MYO1E: variants seen among roughly 807,000 people sequenced by gnomAD.
The protein encoded by MYO1E is myosin IE.
A neutral mutation model predicts 151.1 loss-of-function variants in MYO1E; 68 were observed. The ratio of observed to expected loss-of-function variants is 0.45; its 90% CI spans 0.37 to 0.55. MYO1E has a LOEUF of 0.55. Ranked by LOEUF, MYO1E falls within the 20% of genes least tolerant of loss-of-function variation. The probability of loss-of-function intolerance (pLI) is 0.00; values close to 1 mark genes in which losing one functional copy is unlikely to be tolerated. For missense variants in MYO1E, 1,363 were observed against 1,389.3 expected (o/e 0.98, Z 0.30); for synonymous variants, 601 against 501.7 (o/e 1.20, Z -2.64).
In MYO1E at chr15:59,138,180, AAC is replaced by A; in HGVS notation, c.3250+16_3250+17del. The A allele has an allele frequency of 6.2e-7, 1 of 1,613,750 alleles. No individual in the cohort carries two copies. The highest frequency in any genetic ancestry group is 1.7e-5 in the Admixed American group (1 of 59,998). ...TGCTCTTTGGGAGGCTGTCCCAGCCAACCAGCCACACACTTACCTTCTTTGAT... is the reference window on the plus strand; with the variant it reads ...TGCTCTTTGGGAGGCTGTCCCAGCCACAGCCACACACTTACCTTCTTTGAT... On this transcript the variant is annotated intron_variant, in intron 27 of 27. Coordinates refer to ENST00000288235, the MANE Select transcript of MYO1E (RefSeq NM_004998.4).
chr15:59,266,638 A>C (rs1315829661), intron 2 of MYO1E: 2 of 151,072 alleles, frequency 1.3e-5, no homozygotes, highest in African/African-American at 4.9e-5. Context: ...TACAACTTTC[A>C]AATTTTGTTT....
chr15:59,343,111 C>T (rs1476207362), intron 1 of MYO1E, among the ~76,000 whole-genome samples: 1 of 151,870 alleles, frequency 6.6e-6, no homozygotes, highest in Non-Finnish European at 1.5e-5. Flanking sequence ...AGTTTTGTAC[C>T]TTCAGATGAT....
Position 59,146,390 on chromosome 15 carries a change from G to A in MYO1E, c.3080+7200C>T, listed in dbSNP as rs138703257. Among the ~76,000 whole-genome samples the A allele has an allele frequency of 1.7e-4, 26 of 152,104 alleles. No individual in the cohort carries two copies. In the East Asian group the frequency reaches 5.0e-3, roughly 29 times the overall value. ...GAGTGCAGTGGAATGATCTTGGCTC[G>A]CTGCAGCCTCCGCCTCCCAGATTCA... On this transcript the variant is annotated intron_variant, in intron 26 of 27. Coordinates refer to ENST00000288235, the MANE Select transcript of MYO1E (RefSeq NM_004998.4).
At chr15:59,198,101 A>T (rs56108450) in intron 16 of MYO1E, among the ~76,000 whole-genome samples, 2 of 151,988 alleles carry the variant, frequency 1.3e-5, no homozygotes, top group Non-Finnish European at 2.9e-5. Context: ...CCTGGCCTCA[A>T]GCAATCTTCC....
chr15:59,248,900 CTG>C (rs1364153242), intron 4 of MYO1E, among the ~76,000 whole-genome samples: 1 of 152,194 alleles, frequency 6.6e-6, no homozygotes, highest in Non-Finnish European at 1.5e-5. Flanking sequence ...CCTTCGTGGA[CTG>C]TGTTCCAGGG....
intron 1 of MYO1E, among the ~76,000 whole-genome samples, chr15:59,282,068 G>A (rs1396205485): frequency 6.6e-6 from 1 of 152,182 alleles, no homozygotes; most frequent in East Asian, 1.9e-4. Context: ...CACACCTGGG[G>A]ACACACTGGC....
intron 2 of MYO1E, among the ~76,000 whole-genome samples, chr15:59,267,811 T>C (rs2080265504): frequency 6.6e-6 from 1 of 152,216 alleles, no homozygotes; most frequent in Non-Finnish European, 1.5e-5. Flanking sequence ...AATGTAATTG[T>C]AAAAAGTGTG....
intron 14 of MYO1E, chr15:59,208,197 G>A (rs1179407995): frequency 3.4e-5 from 34 of 993,956 alleles, no homozygotes; most frequent in Admixed American, 9.4e-5. Context: ...AGGAAAGTAG[G>A]TAGAGTGATT....
intron 9 of MYO1E, among the ~76,000 whole-genome samples, chr15:59,219,109 C>T (rs942888157): frequency 9.9e-5 from 15 of 152,122 alleles, no homozygotes; most frequent in African/African-American, 3.6e-4. Flanking sequence ...ATATCCTGCC[C>T]TAATGTCACA....
intron 15 of MYO1E, among the ~76,000 whole-genome samples, chr15:59,203,564 C>T (rs1042580191): frequency 7.9e-5 from 12 of 152,040 alleles, no homozygotes; most frequent in African/African-American, 2.7e-4. Context: ...TTAGTAGAGA[C>T]GGGGTTTCAA....
In MYO1E at chr15:59,159,759, A is replaced by G. The variant is rs529033343; in HGVS notation, c.2785+1314T>C. ...TCTGAGTGGCTCTACATATATAAAG[A>G]TATGATGGCATTTGCTGGTATTGTA... On this transcript the variant is annotated intron_variant, in intron 24 of 27. Coordinates refer to ENST00000288235, the MANE Select transcript of MYO1E (RefSeq NM_004998.4). The surrounding 1 kb of genome is among the most constrained non-coding windows in gnomAD (Gnocchi z 4.4). 1.3e-5 allele frequency among the ~76,000 whole-genome samples: 2 copies of G among 152,298 alleles called. No homozygotes were observed. The highest frequency in any genetic ancestry group is 2.9e-5 in the Non-Finnish European group (2 of 68,032).
chr15:59,163,764 C>T (rs1163771031), intron 22 of MYO1E, among the ~76,000 whole-genome samples: 1 of 152,150 alleles, frequency 6.6e-6, no homozygotes, highest in Non-Finnish European at 1.5e-5. Flanking sequence ...ATCATAAGCT[C>T]GGTTCTCAAG....
In MYO1E at chr15:59,171,988, C is replaced by G. The variant is rs1303265445; in HGVS notation, c.2389G>C (p.Glu797Gln). The change falls in exon 22 of 28, where the codon GAA becomes CAA. Residue 797 changes from glutamate (E) to glutamine (Q), a missense_variant. By Grantham distance (29) the Glu-to-Gln change is conservative. Coordinates refer to ENST00000288235, the MANE Select transcript of MYO1E (RefSeq NM_004998.4). ...TPKCLYLIGR[E>Q]KVKQGPDKGL... ...TTGTCTGGGCCCTGTTTGACTTTTTCTCGTCCGATTAAGTACAAGCACTTT... is the reference window on the plus strand; with the variant it reads ...TTGTCTGGGCCCTGTTTGACTTTTTGTCGTCCGATTAAGTACAAGCACTTT... 1.9e-6 allele frequency: 3 copies of G among 1,614,106 alleles called. No homozygotes were observed. Among genetic ancestry groups the G allele is most frequent in the African/African-American group, 1.3e-5 (1 of 74,930 alleles).
intron 18 of MYO1E, among the ~76,000 whole-genome samples, chr15:59,186,994 A>G (rs944708366): frequency 6.6e-6 from 1 of 152,208 alleles, no homozygotes; most frequent in African/African-American, 2.4e-5. Flanking sequence ...AAATTTATAC[A>G]TGGATTGTAC....
At chr15:59,183,348 G>GTTTTTTTTTTTTT (rs34330073) in intron 18 of MYO1E, among the ~76,000 whole-genome samples, 1 of 146,406 alleles carries the variant, frequency 6.8e-6, no homozygotes, top group Non-Finnish European at 1.5e-5. Flanking sequence ...GTTTGATCAG[G>GTTTTTTTTTTTTT]TTTTTTTTTT....
intron 1 of MYO1E, among the ~76,000 whole-genome samples, chr15:59,331,998 C>CG: frequency 6.6e-6 from 1 of 152,308 alleles, no homozygotes; most frequent in Admixed American, 6.5e-5. Context: ...TGAAGCCCAA[C>CG]GGCTCTCTTC....
At chr15:59,207,745 A>G (rs764314455) in intron 14 of MYO1E, 27 of 1,614,012 alleles carry the variant, frequency 1.7e-5, no homozygotes, top group Non-Finnish European at 2.3e-5. Context: ...TGATATAGGA[A>G]CTGATAAAGA....
At chr15:59,261,757 G>T (rs2080225608) in intron 2 of MYO1E, among the ~76,000 whole-genome samples, 1 of 152,104 alleles carries the variant, frequency 6.6e-6, no homozygotes, top group Admixed American at 6.5e-5. Context: ...ATGAACTAAA[G>T]CACATTCTTT....
intron 2 of MYO1E, among the ~76,000 whole-genome samples, chr15:59,262,219 TA>T (rs199935729): frequency 0.011 from 1,588 of 141,354 alleles, 32 homozygotes; most frequent in African/African-American, 0.039. Context: ...AAAAAAAAAA[TA>T]AAAAAAAATA....
Sources: allele counts gnomAD v4.1 joint callset (sites outside exome capture counted in the v4.1 genomes callset), GRCh38; gene constraint gnomAD v4.1.1; non-coding constraint Gnocchi (gnomAD v3.1); transcripts MANE v1.5; gene names NCBI Gene and HGNC (gene_info 2026-07-23, HGNC 2026-07-21).